Variants in ZMYND8 observed in about 807,000 individuals in gnomAD.
ZMYND8 encodes zinc finger MYND-type containing 8.
In ZMYND8, 37 loss-of-function variants were observed where a neutral mutation model predicts 140.8. The observed-to-expected ratio is 0.26, with a 90% CI of 0.20 to 0.35. The LOEUF (loss-of-function observed/expected upper bound fraction) is 0.35, where lower values mean the gene tolerates loss of function less well. Ranked by LOEUF, ZMYND8 falls within the 10% of genes least tolerant of loss-of-function variation. The pLI is 1.00. For missense variants in ZMYND8, 1,068 were observed against 1,570.0 expected, an observed-to-expected ratio of 0.68 and a Z score of 5.40; for synonymous variants, 592 against 597.1, an observed-to-expected ratio of 0.99 and a Z score of 0.12.
intron 13 of ZMYND8, among the ~76,000 whole-genome samples, 179 bp from the exon 14 acceptor site, chr20:47,246,696 G>A (rs2040605109): frequency 2.0e-5 from 3 of 152,228 alleles, no homozygotes; most frequent in Admixed American, 2.0e-4. Flanking sequence ...CGGCTGCCAA[G>A]TGGTACTTGC....
chr20:47,294,860 C>A, intron 4 of ZMYND8, 81 bp from the exon 5 acceptor site: 1 of 1,336,982 alleles, frequency 7.5e-7, no homozygotes, highest in South Asian at 1.2e-5. Flanking sequence ...TTTTTTCAGT[C>A]AACTGACAGA....
intron 2 of ZMYND8, among the ~76,000 whole-genome samples, chr20:47,338,424 G>C (rs1170145541): frequency 6.7e-6 from 1 of 150,196 alleles, no homozygotes; most frequent in East Asian, 1.9e-4. Context: ...AAAGCAGGCT[G>C]GAGGAAAAAA....
At chr20:47,352,050 C>T in intron 1 of ZMYND8, 1 of 972,046 alleles carries the variant, frequency 1.0e-6, no homozygotes. Context: ...GGCCCCCTTG[C>T]CCTCAAATTA....
At chr20:47,336,535 A>G (rs1432203371) in intron 2 of ZMYND8, among the ~76,000 whole-genome samples, 1 of 152,204 alleles carries the variant, frequency 6.6e-6, no homozygotes, top group Non-Finnish European at 1.5e-5. Flanking sequence ...GGAGACGTGA[A>G]TTCAACCCGC....
intron 21 of ZMYND8, among the ~76,000 whole-genome samples, chr20:47,218,577 C>A (rs1279359460): frequency 6.6e-6 from 1 of 152,156 alleles, no homozygotes; most frequent in Admixed American, 6.5e-5. Context: ...ATTAAAAGTT[C>A]TAGGGTGGGG....
chr20:47,239,034 C>T lies in ZMYND8; in HGVS notation c.2389G>A (p.Ala797Thr). 1 of 1,587,250 alleles carries T rather than the reference C, an allele frequency of 6.3e-7. No homozygotes were observed. Among genetic ancestry groups the T allele is most frequent in the African/African-American group, 1.3e-5 (1 of 74,322 alleles). Residue 797 changes from alanine to threonine, a missense_variant, in exon 15 of 23, where the codon GCC becomes ACC. This residue lies in a region of ZMYND8 where 383 missense variants were observed against 431.2 expected (regional missense o/e 0.89). Transcript: ENST00000471951. ...ACCGTGGAGGACGTGCTGGTGGTGG[C>T]TGTGGCGCCAGCCGCGGAAGTTTGG... The part of the protein sequence containing the change: ...SAQTSAAGAT[A>T]TTSTSSTVTV...
At chr20:47,247,114 C>A (rs141781994) in intron 13 of ZMYND8, among the ~76,000 whole-genome samples, 1 of 152,324 alleles carries the variant, frequency 6.6e-6, no homozygotes, top group South Asian at 2.1e-4. Context: ...ATGTTTCATG[C>A]GAGAGGCACT....
chr20:47,334,980 TCA>T, intron 2 of ZMYND8, among the ~76,000 whole-genome samples: 1 of 151,256 alleles, frequency 6.6e-6, no homozygotes, highest in South Asian at 2.2e-4. Flanking sequence ...GAGTGGTGGC[TCA>T]CACCAGCAAT....
intron 1 of ZMYND8, chr20:47,353,742 C>G (rs1490210250): frequency 2.0e-5 from 3 of 152,172 alleles, no homozygotes; most frequent in African/African-American, 7.2e-5. Context: ...ACATTCTGTT[C>G]CTCCTTCTGC....
At chr20:47,287,149 A>G in intron 8 of ZMYND8, 80 bp downstream of exon 8, 1 of 1,268,924 alleles carries the variant, frequency 7.9e-7, no homozygotes, top group South Asian at 1.2e-5. Context: ...ACCTAATAGG[A>G]GATTCTGCAA....
Position 47,246,076 on chromosome 20 carries a change from T to C in ZMYND8, c.2216A>G (p.Glu739Gly), listed in dbSNP as rs146113055. The change falls in exon 14 of 23, where the codon GAA (glutamate) becomes GGA (glycine). Residue 739 changes from glutamate (E) to glycine (G), a missense_variant. This residue lies in a region of ZMYND8 where 383 missense variants were observed against 431.2 expected (regional missense o/e 0.89). Transcript: ENST00000471951. ...SESELVIDLG[E>G]DHSGREGRKN... The stretch of plus-strand genomic sequence containing the variant: ...TCGACCCTCCCGCCCAGAATGGTCT[T>C]CTCCTAAATCTATGACAAGTTCGCT... 6.8e-6 allele frequency: 11 copies of C among 1,613,986 alleles called. No homozygotes were observed. The highest frequency in any genetic ancestry group is 7.6e-6 in the Non-Finnish European group (9 of 1,179,992).
chr20:47,256,635 C>T (rs2147467810), intron 12 of ZMYND8, among the ~76,000 whole-genome samples: 1 of 152,128 alleles, frequency 6.6e-6, no homozygotes, highest in South Asian at 2.1e-4. Context: ...AGAGAGAGAC[C>T]CTGGCAGACA....
chr20:47,315,450 T>C (rs1276479550), intron 2 of ZMYND8, among the ~76,000 whole-genome samples: 1 of 151,990 alleles, frequency 6.6e-6, no homozygotes, highest in African/African-American at 2.4e-5. Flanking sequence ...TGAAGGGTTG[T>C]AGGGAGAAGA....
chr20:47,350,525 A>T (rs2082701615), intron 1 of ZMYND8, among the ~76,000 whole-genome samples: 1 of 152,042 alleles, frequency 6.6e-6, no homozygotes, highest in Non-Finnish European at 1.5e-5. Context: ...AAAAATGAAT[A>T]TTACATCAAA....
At chr20:47,329,015 AAT>A (rs1000038465) in intron 2 of ZMYND8, among the ~76,000 whole-genome samples, 2 of 152,234 alleles carry the variant, frequency 1.3e-5, no homozygotes, top group Non-Finnish European at 2.9e-5. Flanking sequence ...GCAAAAAGGG[AAT>A]TCAGCAGGGC....
intron 11 of ZMYND8, among the ~76,000 whole-genome samples, chr20:47,268,826 A>G (rs1483728986): frequency 1.3e-5 from 2 of 151,952 alleles, no homozygotes; most frequent in Non-Finnish European, 2.9e-5. Flanking sequence ...TTTCATACAA[A>G]AATATCAAAC....
At chr20:47,270,858 A>G (rs1356676187) in intron 11 of ZMYND8, among the ~76,000 whole-genome samples, 3 of 152,010 alleles carry the variant, frequency 2.0e-5, no homozygotes, top group African/African-American at 4.8e-5. Flanking sequence ...CGGGCAGATC[A>G]CGAGGTCAGG....
At chr20:47,257,956 C>G (rs1196073956) in intron 12 of ZMYND8, among the ~76,000 whole-genome samples, 3 of 152,162 alleles carry the variant, frequency 2.0e-5, no homozygotes, top group South Asian at 4.1e-4. Context: ...CTCCTGGGCT[C>G]AAGCAATCCT....
intron 11 of ZMYND8, among the ~76,000 whole-genome samples, chr20:47,270,688 C>A (rs2147711991): frequency 2.3e-5 from 3 of 130,910 alleles, no homozygotes; most frequent in East Asian, 2.1e-4. Context: ...TAGTGAGGAC[C>A]CTGTCTCTGA....
Sources: allele counts gnomAD v4.1 joint callset (sites outside exome capture counted in the v4.1 genomes callset), GRCh38; gene constraint gnomAD v4.1.1; regional missense constraint gnomAD v4.1.1; transcripts MANE v1.5; gene names NCBI Gene and HGNC (gene_info 2026-07-23, HGNC 2026-07-21).